Variants in DCC observed in about 807,000 individuals in gnomAD.
DCC encodes the protein DCC netrin 1 receptor.
Under a neutral mutation model 172.5 loss-of-function variants are expected in DCC, and 58 were observed. The ratio of observed to expected loss-of-function variants is 0.34; its 90% CI spans 0.27 to 0.42. The LOEUF (loss-of-function observed/expected upper bound fraction) is 0.42, where lower values mean the gene tolerates loss of function less well. DCC is among the 10% of genes least tolerant of loss of function. The pLI is 1.00. For missense variants in DCC, 1,740 were observed against 1,791.0 expected (o/e 0.97, Z 0.51); for synonymous variants, 709 against 644.5 (o/e 1.10, Z -1.52).
chr18:52,959,619 T>G (rs72926148), intron 5 of DCC, among the ~76,000 whole-genome samples: 3,253 of 152,152 alleles, frequency 0.021, 61 homozygotes, highest in Admixed American at 0.039. Context: ...ATTTAAATTT[T>G]AAGTATTGAA....
intron 1 of DCC, among the ~76,000 whole-genome samples, chr18:52,543,250 C>A (rs1327303166): frequency 3.3e-5 from 5 of 152,108 alleles, no homozygotes; most frequent in African/African-American, 9.7e-5. Context: ...TTGCATTAGT[C>A]TCCTATTCAA....
chr18:52,555,819 T>G (rs1363850481), intron 1 of DCC, among the ~76,000 whole-genome samples: 2 of 152,200 alleles, frequency 1.3e-5, no homozygotes, highest in Non-Finnish European at 2.9e-5. Flanking sequence ...AAAGGATGTT[T>G]TATAGACTGT....
intron 5 of DCC, among the ~76,000 whole-genome samples, chr18:52,997,081 C>T (rs2041494467): frequency 6.6e-6 from 1 of 152,004 alleles, no homozygotes; most frequent in Non-Finnish European, 1.5e-5. Flanking sequence ...AAAACAAAAG[C>T]CAAACCATTA....
At chr18:52,760,893 A>T (rs2037149698) in intron 2 of DCC, among the ~76,000 whole-genome samples, 1 of 152,224 alleles carries the variant, frequency 6.6e-6, no homozygotes. Flanking sequence ...GTCTACTGTC[A>T]TAAGCAGTAT....
chr18:52,755,542 C>A (rs1169159782), intron 2 of DCC, among the ~76,000 whole-genome samples: 1 of 152,144 alleles, frequency 6.6e-6, no homozygotes, highest in African/African-American at 2.4e-5. Flanking sequence ...TTTGGCAACA[C>A]AGAATACATC....
intron 7 of DCC, among the ~76,000 whole-genome samples, chr18:53,102,149 T>C: frequency 6.6e-6 from 1 of 152,082 alleles, no homozygotes; most frequent in East Asian, 1.9e-4. Context: ...TGAAACTGCT[T>C]CACCATAAAG....
At chr18:53,307,531 C>A (rs917110794) in intron 13 of DCC, among the ~76,000 whole-genome samples, 3 of 151,728 alleles carry the variant, frequency 2.0e-5, no homozygotes, top group African/African-American at 2.4e-5. Context: ...GATTTGAAGC[C>A]TCAAAACTTT....
intron 2 of DCC, among the ~76,000 whole-genome samples, chr18:52,761,749 G>A (rs909278023): frequency 9.9e-5 from 15 of 151,656 alleles, no homozygotes; most frequent in Admixed American, 2.0e-4. Context: ...AGGTCAAAGC[G>A]CTTCCACTGA....
intron 8 of DCC, among the ~76,000 whole-genome samples, chr18:53,162,248 G>A (rs1267050442): frequency 2.0e-5 from 3 of 146,604 alleles, no homozygotes; most frequent in East Asian, 2.1e-4. Flanking sequence ...GCAGTGAGCC[G>A]AGATCGTGCT....
rs992850476 is a variant in DCC, at chr18:52,636,303, T to G, written c.92-115751T>G. 2.6e-5 allele frequency among the ~76,000 whole-genome samples: 4 copies of G among 151,912 alleles called. No individual in the cohort carries two copies. The East Asian group carries it at 7.8e-4, about 30-fold the overall frequency. On this transcript the variant is annotated intron_variant, in intron 1 of 28. Transcript: ENST00000442544. ...GAGAAGCAAATCTCTAGATGAACTT[T>G]GTAAAAATTTGAACGGGGTGAGAAG...
At chr18:52,708,713 T>C (rs17756146) in intron 1 of DCC, among the ~76,000 whole-genome samples, 6,922 of 152,204 alleles carry the variant, frequency 0.045, 226 homozygotes, top group South Asian at 0.14. Context: ...TTTGTGTAGC[T>C]CAGTCCTTAG....
chr18:53,130,728 A>G (rs547096076), intron 7 of DCC, among the ~76,000 whole-genome samples: 3 of 152,172 alleles, frequency 2.0e-5, no homozygotes, highest in Admixed American at 6.5e-5. Context: ...CTTCCCAACC[A>G]TGTCTTACCT....
chr18:53,191,909 G>A (rs376456875), intron 9 of DCC, among the ~76,000 whole-genome samples: 1 of 152,078 alleles, frequency 6.6e-6, no homozygotes, highest in Non-Finnish European at 1.5e-5. Flanking sequence ...AGCACACCAG[G>A]GTTCCCGTAT....
At chr18:53,265,667 C>G (rs993262792) in intron 12 of DCC, among the ~76,000 whole-genome samples, 1 of 152,152 alleles carries the variant, frequency 6.6e-6, no homozygotes, top group Non-Finnish European at 1.5e-5. Flanking sequence ...CAGAAATCAA[C>G]TTATCATGGA....
intron 17 of DCC, among the ~76,000 whole-genome samples, chr18:53,396,146 G>C (rs2145020969): frequency 6.6e-6 from 1 of 152,068 alleles, no homozygotes; most frequent in South Asian, 2.1e-4. Context: ...AGTAGTAAGG[G>C]TAAGATACGT....
At chr18:52,404,264 G>A (rs1366537339) in intron 1 of DCC, among the ~76,000 whole-genome samples, 4 of 152,152 alleles carry the variant, frequency 2.6e-5, no homozygotes, top group South Asian at 2.1e-4. Context: ...AATTGAAAAT[G>A]TACAGACATC....
At position 52,366,908 on chromosome 18, in the gene DCC, C is replaced by G. The variant is rs536043118; in HGVS notation, c.91+26030C>G. ...CAGTCCCGTGCCGTGCGCTCGCACT[C>G]CTCAGCCCTTGGGTGGTCGATGGGA... On this transcript the variant is annotated intron_variant, in intron 1 of 28. Transcript: ENST00000442544. Among the ~76,000 whole-genome samples the G allele has an allele frequency of 2.0e-5, 3 of 152,352 alleles. No individual in the cohort carries two copies. In the South Asian group the frequency reaches 6.2e-4, roughly 32 times the overall value.
At chr18:53,006,372 T>G (rs2041645592) in intron 5 of DCC, among the ~76,000 whole-genome samples, 1 of 152,164 alleles carries the variant, frequency 6.6e-6, no homozygotes, top group South Asian at 2.1e-4. Context: ...CTCCTCTGGG[T>G]CAATGATAAG....
In DCC at chr18:52,498,807, T is replaced by A. The variant is rs577951211; in HGVS notation, c.91+157929T>A. ...AGGATATAGAAAGAAACCTCTGATG[T>A]CTCTTCCTCTTGTAATAAGGCCACC... On this transcript the variant is annotated intron_variant, in intron 1 of 28. Transcript: ENST00000442544. 2.6e-5 allele frequency among the ~76,000 whole-genome samples: 4 copies of A among 152,186 alleles called. No individual in the cohort carries two copies. In the East Asian group the frequency reaches 7.7e-4, roughly 29 times the overall value.
Sources: allele counts gnomAD v4.1 joint callset (sites outside exome capture counted in the v4.1 genomes callset), GRCh38; gene constraint gnomAD v4.1.1; transcripts MANE v1.5; gene names NCBI Gene and HGNC (gene_info 2026-07-23, HGNC 2026-07-21).